Variants in ABI3BP observed in about 807,000 individuals in gnomAD.
ABI3BP encodes the protein target of Nesh-SH3.
In ABI3BP, 216 loss-of-function variants were observed where a neutral mutation model predicts 268.6. The ratio of observed to expected loss-of-function variants is 0.80; its 90% confidence interval spans 0.72 to 0.90. The LOEUF is 0.90. Among genes scored for constraint, ABI3BP ranks in the 40% least tolerant of loss-of-function variants. The pLI is 0.00. For missense variants in ABI3BP, 2,090 were observed against 2,182.4 expected (o/e 0.96, Z 0.84); for synonymous variants, 730 against 730.0 (o/e 1.00, Z 0.00).
chr3:100,872,330 CA>C (rs1271313652), intron 9 of ABI3BP, among the ~76,000 whole-genome samples: 1 of 152,056 alleles, frequency 6.6e-6, no homozygotes, highest in Non-Finnish European at 1.5e-5. Flanking sequence ...AATCACAAGA[CA>C]AAAATCCACT....
intron 48 of ABI3BP, among the ~76,000 whole-genome samples, chr3:100,810,905 C>G (rs1389832301): frequency 3.9e-5 from 6 of 152,072 alleles, no homozygotes; most frequent in Non-Finnish European, 7.4e-5. Context: ...ATAAATGGAT[C>G]ATCGCACCAA....
At chr3:100,792,809 A>G in intron 54 of ABI3BP, 41 bp from the exon 55 acceptor site, 1 of 1,563,050 alleles carries the variant, frequency 6.4e-7, no homozygotes, top group Non-Finnish European at 8.8e-7. Flanking sequence ...TAAATAATTA[A>G]CATTATGAAT....
chr3:100,806,010 T>TTAA (rs1156417367), intron 50 of ABI3BP, among the ~76,000 whole-genome samples: 1 of 152,038 alleles, frequency 6.6e-6, no homozygotes, highest in Non-Finnish European at 1.5e-5. Flanking sequence ...AGGTATACAA[T>TTAA]TAATAATATT....
chr3:100,939,830 A>T (rs1391103785), intron 1 of ABI3BP, among the ~76,000 whole-genome samples: 1 of 151,920 alleles, frequency 6.6e-6, no homozygotes, highest in Non-Finnish European at 1.5e-5. Flanking sequence ...ACTGTGGGAG[A>T]CTGGGGTCTA....
chr3:100,816,173 A>G, intron 43 of ABI3BP: 3 of 532,582 alleles, frequency 5.6e-6, no homozygotes, highest in Non-Finnish European at 9.8e-6. Context: ...ACAACCTTTG[A>G]ACTCTGTTAC....
At chr3:100,824,995 A>G (rs2098343126) in intron 35 of ABI3BP, 54 bp from the exon 36 acceptor site, 2 of 1,442,056 alleles carry the variant, frequency 1.4e-6, no homozygotes, top group Admixed American at 4.3e-5. Context: ...CTGGATACTG[A>G]GGAAAGGTTT....
chr3:100,850,741 G>A lies in ABI3BP; in HGVS notation c.1352-7C>T, dbSNP rs1326744009. On this transcript the variant is annotated splice_polypyrimidine_tract_variant and splice_region_variant and intron_variant, in intron 15 of 67. Coordinates refer to ENST00000471714, the MANE Select transcript of ABI3BP (RefSeq NM_001375547.2). ...AGAATACGATCACTTGTTGCTGTTG[G>A]AATAAATGTCAACATTTGTAAAAGC... 2 of 1,607,202 alleles carry A rather than the reference G, an allele frequency of 1.2e-6. No homozygotes were observed. The highest frequency in any genetic ancestry group is 1.1e-5 in the South Asian group (1 of 90,708).
intron 57 of ABI3BP, among the ~76,000 whole-genome samples, chr3:100,783,324 A>C (rs1195538036): frequency 2.0e-5 from 3 of 152,248 alleles, no homozygotes; most frequent in Non-Finnish European, 4.4e-5. Flanking sequence ...ATGTGGGGGC[A>C]GTAAATTGTG....
At chr3:100,908,758 G>A (rs941238451) in intron 2 of ABI3BP, among the ~76,000 whole-genome samples, 5 of 152,044 alleles carry the variant, frequency 3.3e-5, no homozygotes, top group African/African-American at 1.2e-4. Context: ...AAATAGGAGA[G>A]GACACAAACA....
chr3:100,896,444 A>AG (rs1283590687), intron 4 of ABI3BP, among the ~76,000 whole-genome samples: 1 of 152,212 alleles, frequency 6.6e-6, no homozygotes, highest in Non-Finnish European at 1.5e-5. Context: ...GTGAAATTGG[A>AG]GGAGAGGCTT....
chr3:100,906,659 T>C (rs1458559078), intron 2 of ABI3BP, among the ~76,000 whole-genome samples: 2 of 152,278 alleles, frequency 1.3e-5, no homozygotes, highest in East Asian at 3.8e-4. Context: ...TAGTTAATTC[T>C]ATACAATGTT....
chr3:100,893,394 A>T (rs1343374331), intron 4 of ABI3BP, among the ~76,000 whole-genome samples: 1 of 152,192 alleles, frequency 6.6e-6, no homozygotes, highest in Non-Finnish European at 1.5e-5. Context: ...CTTCATGTAT[A>T]TACATCTCTC....
intron 49 of ABI3BP, 99 bp downstream of exon 49, chr3:100,810,313 G>T: frequency 1.0e-6 from 1 of 1,001,480 alleles, no homozygotes; most frequent in African/African-American, 1.6e-5. Context: ...AAGTCTGTGG[G>T]CAGAATGATG....
At chr3:100,956,194 CAA>C (rs1183802585) in intron 1 of ABI3BP, among the ~76,000 whole-genome samples, 2 of 116,402 alleles carry the variant, frequency 1.7e-5, no homozygotes, top group Admixed American at 9.5e-5. Context: ...GACTCTGTCT[CAA>C]AAAAAAAAAA....
At chr3:100,781,367 TTGAG>T (rs1191061078) in intron 57 of ABI3BP, among the ~76,000 whole-genome samples, 3 of 152,200 alleles carry the variant, frequency 2.0e-5, no homozygotes, top group African/African-American at 4.8e-5. Context: ...CCTCTGCTGC[TTGAG>T]TAAGAGATAA....
rs2095254546 is a variant in ABI3BP at position 100,750,610 on chromosome 3, C to T, written c.5246G>A (p.Gly1749Asp). The T allele has an allele frequency of 6.2e-7, 1 of 1,606,480 alleles. No homozygotes were observed. Among genetic ancestry groups the T allele is most frequent in the South Asian group, 1.1e-5 (1 of 90,610 alleles). ...TTCCTGGCGAACTGCTCTGAAATAA[C>T]CTGAGAGAGAAAATAGTTTCATTTT... is the stretch of plus-strand genomic sequence containing the variant. ...LTSDQLPIKE[G>D]YFRAVRQEPV... Residue 1749 changes from glycine to aspartate, a missense_variant and splice_region_variant, in exon 68 of 68, where the codon GGT (glycine) becomes GAT (aspartate). Physicochemically the swap from Gly to Asp is moderately conservative, Grantham distance 94. Coordinates refer to ENST00000471714, the MANE Select transcript of ABI3BP (RefSeq NM_001375547.2).
chr3:100,845,015 A>G (rs933965175), intron 20 of ABI3BP, among the ~76,000 whole-genome samples: 15 of 151,678 alleles, frequency 9.9e-5, no homozygotes, highest in East Asian at 5.8e-4. Context: ...TATCATATAT[A>G]AACTATAACC....
chr3:100,817,255 T>C (rs1360744893), intron 42 of ABI3BP, among the ~76,000 whole-genome samples, 181 bp downstream of exon 42: 2 of 152,162 alleles, frequency 1.3e-5, no homozygotes, highest in African/African-American at 4.8e-5. Flanking sequence ...TTGAAAATAA[T>C]AGGTAACTTC....
chr3:100,850,608 A>AT (rs367961075), intron 16 of ABI3BP, 52 bp downstream of exon 16: 35,610 of 1,017,406 alleles, frequency 0.035, 59 homozygotes, highest in South Asian at 0.071. Flanking sequence ...CATTCACATG[A>AT]TTTTTTTTTT....
Sources: allele counts gnomAD v4.1 joint callset (sites outside exome capture counted in the v4.1 genomes callset), GRCh38; gene constraint gnomAD v4.1.1; transcripts MANE v1.5; gene names NCBI Gene and HGNC (gene_info 2026-07-23, HGNC 2026-07-21).